The following ZBTB16 variants were observed in gnomAD, a reference collection of about 807,000 sequenced individuals.
The protein encoded by ZBTB16 is zinc finger and BTB domain containing 16, also known as zinc finger and BTB domain-containing protein 16.
A neutral mutation model predicts 56.8 loss-of-function variants in ZBTB16; 8 were observed. The observed-to-expected ratio is 0.14, with a 90% CI of 0.08 to 0.25. ZBTB16 has a LOEUF of 0.25. Ranked by LOEUF, ZBTB16 falls within the 10% of genes least tolerant of loss-of-function variation. ZBTB16 has a pLI of 1.00. For missense variants in ZBTB16, 625 were observed against 903.0 expected, an observed-to-expected ratio of 0.69 and a Z score of 3.95; for synonymous variants, 363 against 368.5, an observed-to-expected ratio of 0.98 and a Z score of 0.17.
intron 2 of ZBTB16, among the ~76,000 whole-genome samples, chr11:114,077,817 T>C (rs941639182): frequency 3.3e-5 from 5 of 152,238 alleles, no homozygotes; most frequent in African/African-American, 1.2e-4. Context: ...TTAAGATTCA[T>C]GTTCTCCTAA....
chr11:114,078,295 A>G lies in ZBTB16; in HGVS notation c.1268+13727A>G, dbSNP rs571730839. Among the ~76,000 whole-genome samples, 9 of 152,294 alleles carry G rather than the reference A, an allele frequency of 5.9e-5. No homozygotes were observed. The South Asian group carries it at 1.9e-3, about 32-fold the overall frequency. On this transcript the variant is annotated intron_variant, in intron 2 of 6. Coordinates refer to ENST00000335953, the MANE Select transcript of ZBTB16 (RefSeq NM_006006.6). ...GGTTATCTTTGCTTTTTAAGTTCCC[A>G]TCTTTTTCTCCCTTGGTCGTCTCCC...
At chr11:114,226,163 G>A (rs1313289966) in intron 4 of ZBTB16, among the ~76,000 whole-genome samples, 1 of 152,146 alleles carries the variant, frequency 6.6e-6, no homozygotes, top group Non-Finnish European at 1.5e-5. Context: ...CAAGAAATTT[G>A]AGGTGCATGA....
intron 2 of ZBTB16, among the ~76,000 whole-genome samples, chr11:114,083,115 A>C (rs1389640843): frequency 6.6e-6 from 1 of 152,218 alleles, no homozygotes; most frequent in East Asian, 1.9e-4. Context: ...CGCTGGTTCC[A>C]CGGATGCCTT....
At chr11:114,153,700 C>T (rs923073468) in intron 2 of ZBTB16, among the ~76,000 whole-genome samples, 18 of 152,128 alleles carry the variant, frequency 1.2e-4, no homozygotes, top group African/African-American at 4.3e-4. Flanking sequence ...CACAATGCAC[C>T]GTAAGAAGTG....
chr11:114,165,853 G>A (rs1283126405), intron 3 of ZBTB16, among the ~76,000 whole-genome samples: 4 of 152,156 alleles, frequency 2.6e-5, no homozygotes, highest in Non-Finnish European at 4.4e-5. Flanking sequence ...TTCAGAACCT[G>A]GGACATCTGT....
chr11:114,095,861 T>C (rs1565622937), intron 2 of ZBTB16, among the ~76,000 whole-genome samples: 2 of 152,190 alleles, frequency 1.3e-5, no homozygotes, highest in African/African-American at 4.8e-5. Context: ...CTTACTCCAA[T>C]AGATTTGAAA....
rs1944943041 is a variant in ZBTB16, at chr11:114,253,025, A to G, written c.*2470A>G. On this transcript the variant is annotated 3_prime_UTR_variant, in exon 7 of 7. Coordinates refer to ENST00000335953, the MANE Select transcript of ZBTB16 (RefSeq NM_006006.6). ...GAACAGTTGTCATGTTTATAATGTG[A>G]AAAGGGTGAAATCATTTGGGGGAGG... is the stretch of plus-strand genomic sequence containing the variant. 6.6e-6 allele frequency among the ~76,000 whole-genome samples: 1 copy of G among 152,218 alleles called. No homozygotes were observed. Among genetic ancestry groups the G allele is most frequent in the Non-Finnish European group, 1.5e-5 (1 of 68,046 alleles).
chr11:114,086,510 T>C (rs1303405396), intron 2 of ZBTB16, among the ~76,000 whole-genome samples: 2 of 152,208 alleles, frequency 1.3e-5, no homozygotes, highest in Non-Finnish European at 2.9e-5. Context: ...AGCCACAACC[T>C]AAGTTCCATG....
rs778390946 is a variant in ZBTB16, at chr11:114,253,768, C to A, written c.*3213C>A. ...ACAACAGAACAGTTCTAATGTTGCA[C>A]GGCCTAGTGGCCAGGGGGCAAGCTA... On this transcript the variant is annotated 3_prime_UTR_variant, in exon 7 of 7. Coordinates refer to ENST00000335953, the MANE Select transcript of ZBTB16 (RefSeq NM_006006.6). Among the ~76,000 whole-genome samples, 2 of 152,200 alleles carry A rather than the reference C, an allele frequency of 1.3e-5. No individual in the cohort carries two copies. The highest frequency in any genetic ancestry group is 2.9e-5 in the Non-Finnish European group (2 of 68,032).
intron 2 of ZBTB16, among the ~76,000 whole-genome samples, chr11:114,145,307 C>T (rs567113222): frequency 1.3e-5 from 2 of 152,346 alleles, no homozygotes; most frequent in East Asian, 3.9e-4. Context: ...CAATTCCACT[C>T]CTAGGTATAT....
In ZBTB16 at chr11:114,251,836, T is replaced by C. The variant is rs1300008907; in HGVS notation, c.*1281T>C. On this transcript the variant is annotated 3_prime_UTR_variant, in exon 7 of 7. Transcript: ENST00000335953. ...GGCCTTGTGTTATGTTTTGCTTCTT[T>C]TCTGTGTCCCCTGTTAGCACATTGT... 1.3e-5 allele frequency among the ~76,000 whole-genome samples: 2 copies of C among 152,184 alleles called. No homozygotes were observed. Among genetic ancestry groups the C allele is most frequent in the Admixed American group, 6.5e-5 (1 of 15,282 alleles).
intron 2 of ZBTB16, among the ~76,000 whole-genome samples, chr11:114,097,223 A>G (rs1053580894): frequency 3.3e-5 from 5 of 152,352 alleles, no homozygotes; most frequent in South Asian, 2.1e-4. Context: ...GTATGGTGCC[A>G]TCTATATGAG....
At position 114,170,264 on chromosome 11, in the gene ZBTB16, G is replaced by A. The variant is rs554451430; in HGVS notation, c.1366+13830G>A. 1.3e-4 allele frequency among the ~76,000 whole-genome samples: 20 copies of A among 152,364 alleles called. No individual in the cohort carries two copies. The South Asian group carries it at 4.1e-3, about 32-fold the overall frequency. On this transcript the variant is annotated intron_variant, in intron 3 of 6. Transcript: ENST00000335953. ...CACAAAGCCTAGGTTGAGAAGACAG[G>A]TCAGAGGGCTGCCTCTGGGTGAGGC...
chr11:114,152,184 T>G (rs1317209264), intron 2 of ZBTB16, among the ~76,000 whole-genome samples: 1 of 152,206 alleles, frequency 6.6e-6, no homozygotes, highest in African/African-American at 2.4e-5. Flanking sequence ...CCAGCATCCT[T>G]GATCAATCCC....
chr11:114,126,543 T>C (rs894437711), intron 2 of ZBTB16, among the ~76,000 whole-genome samples: 3 of 152,262 alleles, frequency 2.0e-5, no homozygotes, highest in Non-Finnish European at 4.4e-5. Flanking sequence ...CACATCCATT[T>C]TAAGGAAGCT....
intron 2 of ZBTB16, among the ~76,000 whole-genome samples, chr11:114,105,004 A>G (rs7116202): frequency 0.027 from 4,127 of 152,218 alleles, 123 homozygotes; most frequent in African/African-American, 0.063. Flanking sequence ...CAGGCCAGCT[A>G]CTTAACCCCT....
intron 2 of ZBTB16, among the ~76,000 whole-genome samples, chr11:114,078,066 T>C (rs146774753): frequency 8.3e-4 from 127 of 152,268 alleles, no homozygotes; most frequent in South Asian, 1.7e-3. Context: ...GACCCTCTTT[T>C]AGTGGGCTGG....
At chr11:114,102,764 A>G (rs981402137) in intron 2 of ZBTB16, among the ~76,000 whole-genome samples, 1 of 152,180 alleles carries the variant, frequency 6.6e-6, no homozygotes, top group South Asian at 2.1e-4. Context: ...TTTTATAGGC[A>G]GGAGAGCCTA....
At chr11:114,139,902 T>C (rs1410539579) in intron 2 of ZBTB16, among the ~76,000 whole-genome samples, 1 of 152,078 alleles carries the variant, frequency 6.6e-6, no homozygotes, top group Non-Finnish European at 1.5e-5. Flanking sequence ...TGTAGTACCA[T>C]ATGTCAGGAT....
Sources: allele counts gnomAD v4.1 joint callset (sites outside exome capture counted in the v4.1 genomes callset), GRCh38; gene constraint gnomAD v4.1.1; transcripts MANE v1.5; gene names NCBI Gene and HGNC (gene_info 2026-07-23, HGNC 2026-07-21).